The following ARHGAP10 variants were observed in gnomAD, a reference collection of about 807,000 sequenced individuals.
ARHGAP10 encodes the protein rho GTPase-activating protein 10.
A neutral mutation model predicts 108.6 loss-of-function variants in ARHGAP10; 87 were observed. The ratio of observed to expected loss-of-function variants is 0.80; its 90% CI spans 0.67 to 0.96. ARHGAP10 has a LOEUF of 0.96. Ranked by LOEUF, ARHGAP10 falls within the 40% of genes least tolerant of loss-of-function variation. The pLI, the probability that ARHGAP10 is intolerant of heterozygous loss-of-function variation, is 0.00. For synonymous variants in ARHGAP10, 347 were observed against 341.1 expected (o/e 1.02, Z -0.19); for missense variants, 939 against 954.5 (o/e 0.98, Z 0.21).
Position 147,847,209 on chromosome 4 carries a change from T to C in ARHGAP10, c.371T>C (p.Leu124Pro), listed in dbSNP as rs866374660. Residue 124 changes from leucine to proline, a missense_variant, in exon 4 of 23, where the codon CTT becomes CCT. Transcript: ENST00000336498. ...TTGGAAAAATTCAGAAAAGAGCAAC[T>C]TGGAGCTGTAAAGGTTTGTGTCTAA... ...KPLEKFRKEQ[L>P]GAVKEEKKKF... 1 of 1,612,582 alleles carries C rather than the reference T, an allele frequency of 6.2e-7. No homozygotes were observed. The highest frequency in any genetic ancestry group is 8.5e-7 in the Non-Finnish European group (1 of 1,178,700).
intron 7 of ARHGAP10, among the ~76,000 whole-genome samples, chr4:147,867,491 C>T (rs906193603): frequency 6.6e-6 from 1 of 152,154 alleles, no homozygotes; most frequent in African/African-American, 2.4e-5. Flanking sequence ...GTGACAGACT[C>T]ACAGCACATA....
At chr4:147,858,586 A>G (rs551327866) in intron 5 of ARHGAP10, 1 of 152,312 alleles carries the variant, frequency 6.6e-6, no homozygotes, top group East Asian at 1.9e-4. Flanking sequence ...GGCACTTGAC[A>G]GTTCATAAAA....
At chr4:148,067,292 T>C (rs2149693513) in intron 22 of ARHGAP10, among the ~76,000 whole-genome samples, 1 of 152,352 alleles carries the variant, frequency 6.6e-6, no homozygotes, top group African/African-American at 2.4e-5. Context: ...GGTTTATCTG[T>C]GTGTGTGTTT....
chr4:147,915,151 C>T (rs141486400), intron 13 of ARHGAP10, among the ~76,000 whole-genome samples: 59 of 152,128 alleles, frequency 3.9e-4, no homozygotes, highest in Admixed American at 1.0e-3. Context: ...TGTAGGATAT[C>T]GGCGGAGTAG....
intron 1 of ARHGAP10, among the ~76,000 whole-genome samples, chr4:147,798,314 A>G (rs1207193127): frequency 1.3e-5 from 2 of 152,158 alleles, no homozygotes; most frequent in African/African-American, 2.4e-5. Flanking sequence ...AACACCTGCT[A>G]TTATTATTTG....
intron 18 of ARHGAP10, among the ~76,000 whole-genome samples, chr4:148,015,482 C>G (rs562254726): frequency 6.6e-6 from 1 of 152,312 alleles, no homozygotes; most frequent in African/African-American, 2.4e-5. Flanking sequence ...TGAACCAGAA[C>G]AAACGTGAAA....
At chr4:147,951,481 C>T (rs574864680) in intron 15 of ARHGAP10, among the ~76,000 whole-genome samples, 1 of 150,370 alleles carries the variant, frequency 6.7e-6, no homozygotes, top group Non-Finnish European at 1.5e-5. Flanking sequence ...AAGAGCAGGA[C>T]TTTTTCACTC....
intron 10 of ARHGAP10, among the ~76,000 whole-genome samples, chr4:147,891,482 A>G (rs1489051607): frequency 6.6e-6 from 1 of 152,208 alleles, no homozygotes; most frequent in African/African-American, 2.4e-5. Context: ...GCTAATGGGT[A>G]CAGGTTTTCT....
chr4:147,783,507 A>G (rs982811875), intron 1 of ARHGAP10, among the ~76,000 whole-genome samples: 8 of 148,028 alleles, frequency 5.4e-5, no homozygotes, highest in African/African-American at 7.3e-5. Context: ...TATGTATTGT[A>G]TAATTTATAG....
At chr4:147,741,477 T>C (rs1728653266) in intron 1 of ARHGAP10, among the ~76,000 whole-genome samples, 1 of 152,174 alleles carries the variant, frequency 6.6e-6, no homozygotes, top group Non-Finnish European at 1.5e-5. Flanking sequence ...AAATGATGTT[T>C]GTATAAACAC....
At chr4:148,064,644 G>A (rs1040920227) in intron 22 of ARHGAP10, 137 bp downstream of exon 22, 4 of 643,312 alleles carry the variant, frequency 6.2e-6, no homozygotes, top group Non-Finnish European at 1.0e-5. Context: ...TGGATTAAGC[G>A]GCTGCGTTAG....
At chr4:147,735,139 T>G (rs1485212093) in intron 1 of ARHGAP10, among the ~76,000 whole-genome samples, 1 of 152,198 alleles carries the variant, frequency 6.6e-6, no homozygotes, top group Non-Finnish European at 1.5e-5. Flanking sequence ...CTGCAAATAT[T>G]TAGCACCTAT....
chr4:147,859,549 C>T (rs1319856238), intron 5 of ARHGAP10, among the ~76,000 whole-genome samples: 5 of 152,248 alleles, frequency 3.3e-5, no homozygotes, highest in Admixed American at 6.5e-5. Context: ...GCTGGGATTA[C>T]AGGCACGAGC....
chr4:147,824,245 C>T, intron 3 of ARHGAP10, among the ~76,000 whole-genome samples: 1 of 151,826 alleles, frequency 6.6e-6, no homozygotes, highest in Non-Finnish European at 1.5e-5. Context: ...TTGCTTGAAT[C>T]TGGGAGATGG....
chr4:147,900,650 T>G (rs767530029), intron 10 of ARHGAP10, among the ~76,000 whole-genome samples: 2 of 152,158 alleles, frequency 1.3e-5, no homozygotes, highest in Non-Finnish European at 2.9e-5. Flanking sequence ...GCTGAACCAG[T>G]AGAATGCATT....
chr4:147,791,960 C>T, intron 1 of ARHGAP10, among the ~76,000 whole-genome samples: 1 of 152,176 alleles, frequency 6.6e-6, no homozygotes, highest in South Asian at 2.1e-4. Context: ...ATGTAAATAG[C>T]ACTGCTGGTG....
chr4:147,882,143 A>G (rs185719418), intron 10 of ARHGAP10, among the ~76,000 whole-genome samples: 11 of 152,168 alleles, frequency 7.2e-5, no homozygotes, highest in Non-Finnish European at 1.3e-4. Context: ...GTTAGGAGTC[A>G]TTCTAACCAG....
intron 1 of ARHGAP10, among the ~76,000 whole-genome samples, chr4:147,798,781 CTATATATA>C (rs201269477): frequency 0.023 from 167 of 7,174 alleles, 1 homozygote; most frequent in African/African-American, 0.03. Flanking sequence ...CTCTCTCTCT[CTATATATA>C]TATATATATA....
At chr4:148,023,910 A>G (rs1741668982) in intron 19 of ARHGAP10, among the ~76,000 whole-genome samples, 1 of 152,188 alleles carries the variant, frequency 6.6e-6, no homozygotes, top group African/African-American at 2.4e-5. Flanking sequence ...TGACCTGCCT[A>G]CCTGGGCCAG....
Sources: gnomAD v4.1 joint callset for allele counts (sites outside exome capture counted in the v4.1 genomes callset) on GRCh38, gnomAD v4.1.1 for gene constraint, MANE v1.5 for transcripts, NCBI Gene and HGNC (gene_info 2026-07-23, HGNC 2026-07-21) for gene names.